BABAM2: variants seen among roughly 807,000 people sequenced by gnomAD.
The protein encoded by BABAM2 is BRISC and BRCA1-A complex member 2.
BABAM2 carries 31 observed loss-of-function variants against 54.7 expected under a neutral mutation model. That is an observed-to-expected ratio of 0.57 (90% CI 0.43 to 0.77). The LOEUF (loss-of-function observed/expected upper bound fraction) is 0.77. Ranked by LOEUF, BABAM2 falls within the 30% of genes least tolerant of loss-of-function variation. The pLI is 0.00. For synonymous variants in BABAM2, 167 were observed against 162.9 expected (o/e 1.03, Z -0.19); for missense variants, 364 against 455.8 (o/e 0.80, Z 1.83).
At chr2:28,184,362 G>A (rs1676044772) in intron 7 of BABAM2, among the ~76,000 whole-genome samples, 1 of 145,922 alleles carries the variant, frequency 6.9e-6, no homozygotes. Flanking sequence ...AAGTTCTAGG[G>A]TACATGTGCA....
chr2:28,005,730 T>C (rs1673907295), intron 4 of BABAM2, among the ~76,000 whole-genome samples: 1 of 152,110 alleles, frequency 6.6e-6, no homozygotes, highest in African/African-American at 2.4e-5. Context: ...AGAATTTCCT[T>C]ATTTGAAAAA....
chr2:28,211,070 T>C (rs562564815), intron 7 of BABAM2, among the ~76,000 whole-genome samples: 21 of 152,298 alleles, frequency 1.4e-4, no homozygotes, highest in African/African-American at 4.8e-4. Context: ...TTTTCTTGGA[T>C]CATTAAAATG....
intron 3 of BABAM2, among the ~76,000 whole-genome samples, chr2:27,974,731 A>G (rs943407673): frequency 1.9e-4 from 29 of 152,260 alleles, no homozygotes; most frequent in Non-Finnish European, 7.4e-5. Flanking sequence ...CCTATATAAC[A>G]TAGTACTGGA....
intron 7 of BABAM2, 65 bp downstream of exon 7, chr2:28,129,445 C>A: frequency 7.5e-7 from 1 of 1,335,970 alleles, no homozygotes; most frequent in South Asian, 1.2e-5. Context: ...CTCATTCTTT[C>A]TTTTGCCACT....
At chr2:28,199,694 G>A (rs377208153) in intron 7 of BABAM2, among the ~76,000 whole-genome samples, 9 of 152,290 alleles carry the variant, frequency 5.9e-5, no homozygotes, top group Non-Finnish European at 1.2e-4. Flanking sequence ...AACAGAAAAC[G>A]AACTTCTGTG....
intron 3 of BABAM2, among the ~76,000 whole-genome samples, chr2:27,982,919 G>A (rs1672128901): frequency 6.6e-6 from 1 of 151,450 alleles, no homozygotes; most frequent in Admixed American, 6.6e-5. Flanking sequence ...TCATCTGTTT[G>A]TGGACAATTG....
intron 7 of BABAM2, among the ~76,000 whole-genome samples, chr2:28,132,156 T>G (rs1442543944): frequency 1.3e-5 from 2 of 150,290 alleles, no homozygotes; most frequent in Non-Finnish European, 3.0e-5. Flanking sequence ...TTTTTTTTTT[T>G]GAGACGGAAT....
intron 10 of BABAM2, among the ~76,000 whole-genome samples, chr2:28,283,107 C>T (rs1243187595): frequency 4.0e-5 from 6 of 151,624 alleles, no homozygotes; most frequent in Non-Finnish European, 2.9e-5. Context: ...AACCCAAAGT[C>T]GTACAGCTAT....
chr2:28,236,231 G>A (rs945912071), intron 7 of BABAM2, among the ~76,000 whole-genome samples: 5 of 151,854 alleles, frequency 3.3e-5, no homozygotes, highest in African/African-American at 1.2e-4. Context: ...GTGAGCATAG[G>A]AAAGAAGATG....
intron 3 of BABAM2, among the ~76,000 whole-genome samples, chr2:27,960,302 G>T (rs548302081): frequency 3.3e-5 from 5 of 152,158 alleles, no homozygotes; most frequent in Admixed American, 6.5e-5. Flanking sequence ...GCACTATTTT[G>T]TGGGAGCTAA....
chr2:28,114,403 C>T (rs1277450811), intron 6 of BABAM2, among the ~76,000 whole-genome samples: 5 of 152,132 alleles, frequency 3.3e-5, no homozygotes, highest in African/African-American at 7.2e-5. Context: ...AATTCATTCT[C>T]GGTATATAGA....
intron 7 of BABAM2, among the ~76,000 whole-genome samples, chr2:28,209,584 T>C (rs1035486906): frequency 9.9e-5 from 15 of 152,224 alleles, no homozygotes; most frequent in African/African-American, 3.6e-4. Context: ...GTGACGTATA[T>C]GCTCTAAGTG....
At chr2:28,279,664 T>C (rs1164488942) in intron 10 of BABAM2, among the ~76,000 whole-genome samples, 2 of 146,682 alleles carry the variant, frequency 1.4e-5, no homozygotes, top group Non-Finnish European at 3.0e-5. Flanking sequence ...CAAAGGCTTT[T>C]TTTTTTTTTT....
At chr2:28,066,200 A>G (rs1216668882) in intron 6 of BABAM2, among the ~76,000 whole-genome samples, 1 of 151,256 alleles carries the variant, frequency 6.6e-6, no homozygotes, top group Non-Finnish European at 1.5e-5. Flanking sequence ...AAAAAAATAA[A>G]AAAAACAGCC....
At position 28,192,880 on chromosome 2, in the gene BABAM2, A is replaced by C. The variant is rs911299216; in HGVS notation, c.681-44322A>C. On this transcript the variant is annotated intron_variant, in intron 7 of 11. Coordinates refer to ENST00000379624, the MANE Select transcript of BABAM2 (RefSeq NM_199191.3). Reference sequence around the variant, plus strand: ...GTTTCATGAAAATTGCTCTTAAAAAATAGTTCTGTTGGCTGGGTGCGGTGG... The same window carrying C: ...GTTTCATGAAAATTGCTCTTAAAAACTAGTTCTGTTGGCTGGGTGCGGTGG... 4.0e-5 allele frequency among the ~76,000 whole-genome samples: 6 copies of C among 151,508 alleles called. No homozygotes were observed. In the East Asian group the frequency reaches 1.0e-3, roughly 25 times the overall value.
At chr2:28,207,078 C>T (rs538827717) in intron 7 of BABAM2, among the ~76,000 whole-genome samples, 2 of 152,330 alleles carry the variant, frequency 1.3e-5, no homozygotes, top group East Asian at 1.9e-4. Context: ...TGAAGCCAGT[C>T]GTTCAGACTC....
intron 6 of BABAM2, among the ~76,000 whole-genome samples, chr2:28,090,531 T>C (rs910307239): frequency 1.3e-5 from 2 of 152,202 alleles, no homozygotes; most frequent in Admixed American, 6.5e-5. Context: ...TGTGAGCCAC[T>C]GCACCCAGCA....
rs376315142 is a variant in BABAM2, at chr2:28,285,955, CTT to C, written c.935-12366_935-12365del. 1.0e-3 allele frequency among the ~76,000 whole-genome samples: 140 copies of C among 138,318 alleles called. 1 individual carries two copies. The highest frequency in any genetic ancestry group is 2.2e-3 in the African/African-American group (82 of 37,518). 90.7% of individuals were successfully genotyped at this position (138,318 alleles called of 152,430 possible). A position where few individuals can be genotyped will look rare whatever the true frequency, so the allele number is the denominator to read the frequency against. ...ACCCCCTTCTACTAACGAATAATAA[CTT>C]TTTTTTTTTTTTTTTTGAGACAGAG... On this transcript the variant is annotated intron_variant, in intron 10 of 11. Transcript: ENST00000379624.
chr2:28,266,399 A>C (rs537177655), intron 10 of BABAM2, among the ~76,000 whole-genome samples: 1 of 152,302 alleles, frequency 6.6e-6, no homozygotes, highest in East Asian at 1.9e-4. Context: ...CCTCCCCTCC[A>C]TCTTGGTCAC....
Sources: allele counts gnomAD v4.1 joint callset (sites outside exome capture counted in the v4.1 genomes callset), GRCh38; gene constraint gnomAD v4.1.1; transcripts MANE v1.5; gene names NCBI Gene and HGNC (gene_info 2026-07-23, HGNC 2026-07-21).